Variants in RASGRP1 observed in about 807,000 individuals in gnomAD.
RASGRP1 encodes RAS guanyl releasing protein 1, also known as RAS guanyl-releasing protein 1.
RASGRP1 carries 37 observed loss-of-function variants against 95.1 expected under a neutral mutation model. The ratio of observed to expected loss-of-function variants is 0.39; its 90% CI spans 0.30 to 0.51. The LOEUF (loss-of-function observed/expected upper bound fraction) is 0.51, where lower values mean the gene tolerates loss of function less well. RASGRP1 is among the 20% of genes least tolerant of loss of function. The pLI, the probability that RASGRP1 is intolerant of heterozygous loss-of-function variation, is 0.80. For missense variants in RASGRP1, 711 were observed against 965.4 expected (o/e 0.74, Z 3.49); for synonymous variants, 325 against 353.4 (o/e 0.92, Z 0.90).
chr15:38,501,415 T>C lies in RASGRP1; in HGVS notation c.1539-128A>G, dbSNP rs535666541. ...CAGTGGTAATATGGTATGTGCTACC[T>C]CATGATTACTTCCATGGGCCCTACT... is the stretch of plus-strand genomic sequence containing the variant. On this transcript the variant is annotated intron_variant, in intron 12 of 16. Transcript: ENST00000310803. 4.9e-5 allele frequency: 53 copies of C among 1,073,260 alleles called. 1 individual carries two copies. In the South Asian group the frequency reaches 5.1e-4, roughly 10 times the overall value. The allele number at this position is 1,073,260 out of a possible 1,614,324, so 66.5% of individuals were successfully genotyped here.
At chr15:38,548,743 G>A (rs763950511) in intron 2 of RASGRP1, among the ~76,000 whole-genome samples, 1 of 152,102 alleles carries the variant, frequency 6.6e-6, no homozygotes, top group East Asian at 1.9e-4. Flanking sequence ...TTAGAAAAAA[G>A]GTTCACATAC....
rs769249413 is a variant in RASGRP1 at position 38,559,952 on chromosome 15, G to C, written c.89C>G (p.Pro30Arg). 6.2e-7 allele frequency: 1 copy of C among 1,613,652 alleles called. No homozygotes were observed. Among genetic ancestry groups the C allele is most frequent in the Non-Finnish European group, 8.5e-7 (1 of 1,179,716 alleles). ...ATGGGAGGGGAAGGGGCTGTTGGCT[G>C]GCTTTGCCTCTAGTCTTGCTTTAGA... ...AASKARLEAK[P>R]ANSPFPSHPS... Residue 30 changes from proline (P) to arginine (R), a missense_variant, in exon 2 of 17, where the codon CCA (proline) becomes CGA (arginine). Physicochemically the swap from Pro to Arg is moderately radical, Grantham distance 103. Transcript: ENST00000310803.
chr15:38,503,734 C>A, intron 10 of RASGRP1: 1 of 223,548 alleles, frequency 4.5e-6, no homozygotes, highest in Non-Finnish European at 8.7e-6. Flanking sequence ...TCACATTTTG[C>A]AGTAGAAATG....
intron 8 of RASGRP1, among the ~76,000 whole-genome samples, chr15:38,510,806 T>TA (rs1891480020): frequency 6.6e-6 from 1 of 152,074 alleles, no homozygotes; most frequent in African/African-American, 2.4e-5. Flanking sequence ...ACAAAAATTT[T>TA]AAAAAATAGC....
chr15:38,502,206 C>T, intron 12 of RASGRP1, 106 bp downstream of exon 12: 2 of 773,914 alleles, frequency 2.6e-6, no homozygotes, highest in Non-Finnish European at 4.2e-6. Context: ...TTTAAGTGAT[C>T]ACAGCAGCAA....
intron 1 of RASGRP1, among the ~76,000 whole-genome samples, chr15:38,561,133 AC>A (rs957653794): frequency 6.6e-6 from 1 of 152,222 alleles, no homozygotes; most frequent in African/African-American, 2.4e-5. Context: ...AAGGAAAAAA[AC>A]GTACCTCTGA....
At chr15:38,553,325 G>C (rs533348628) in intron 2 of RASGRP1, among the ~76,000 whole-genome samples, 48 of 152,344 alleles carry the variant, frequency 3.2e-4, no homozygotes, top group African/African-American at 1.1e-3. Flanking sequence ...AGGGGTCTCA[G>C]GGTCCAACAC....
chr15:38,534,908 C>T (rs527816740), intron 2 of RASGRP1, among the ~76,000 whole-genome samples: 1 of 152,306 alleles, frequency 6.6e-6, no homozygotes, highest in South Asian at 2.1e-4. Context: ...TTTCAAGTTG[C>T]ACAGCATCTA....
Position 38,505,894 on chromosome 15 carries a change from C to G in RASGRP1, c.1269G>C (p.Glu423Asp), listed in dbSNP as rs1376605076. 1.9e-6 allele frequency: 3 copies of G among 1,611,714 alleles called. No homozygotes were observed. The highest frequency in any genetic ancestry group is 2.2e-5 in the South Asian group (2 of 90,470). ...LTLSLDLYYTEDEIYELSYAR... is the reference protein window; with the variant it reads ...LTLSLDLYYTDDEIYELSYAR... ...CATAGGAAAGCTCATAGATTTCATC[C>G]TCAGTGTAGTAAAGATCCAGGGATA... is the stretch of plus-strand genomic sequence containing the variant. Residue 423 changes from glutamate (E) to aspartate (D), a missense_variant, in exon 10 of 17, where the codon GAG (glutamate) becomes GAC (aspartate). By Grantham distance (45) the Glu-to-Asp change is conservative. Transcript: ENST00000310803.
At chr15:38,534,676 G>A (rs1448876943) in intron 2 of RASGRP1, 1 of 152,260 alleles carries the variant, frequency 6.6e-6, no homozygotes, top group African/African-American at 2.4e-5. Context: ...ATGACAGCTG[G>A]TGCCACAACC....
chr15:38,533,521 G>A (rs1283963694), intron 2 of RASGRP1, among the ~76,000 whole-genome samples: 1 of 152,080 alleles, frequency 6.6e-6, no homozygotes, highest in Non-Finnish European at 1.5e-5. Flanking sequence ...TTTTCTGGTC[G>A]TTGTTTGTTT....
At chr15:38,541,785 G>A (rs902856006) in intron 2 of RASGRP1, among the ~76,000 whole-genome samples, 1 of 152,076 alleles carries the variant, frequency 6.6e-6, no homozygotes, top group African/African-American at 2.4e-5. Context: ...GATATAATAA[G>A]CACCCTGTCC....
At chr15:38,524,864 C>T (rs184979650) in intron 3 of RASGRP1, among the ~76,000 whole-genome samples, 1,959 of 151,852 alleles carry the variant, frequency 0.013, 27 homozygotes, top group Admixed American at 0.018. Context: ...GAGTAAGATT[C>T]TGTGAGAAGT....
intron 5 of RASGRP1, among the ~76,000 whole-genome samples, chr15:38,517,493 C>A (rs1438543157): frequency 6.6e-6 from 1 of 152,140 alleles, no homozygotes; most frequent in African/African-American, 2.4e-5. Context: ...ATCATTTCTA[C>A]GTGGCTACAG....
chr15:38,543,102 C>G (rs1481499131), intron 2 of RASGRP1, among the ~76,000 whole-genome samples: 1 of 151,728 alleles, frequency 6.6e-6, no homozygotes. Flanking sequence ...AAAAAATACT[C>G]TAAGTTTGCA....
intron 2 of RASGRP1, among the ~76,000 whole-genome samples, chr15:38,540,467 G>C (rs1892820238): frequency 1.3e-5 from 2 of 152,190 alleles, no homozygotes; most frequent in African/African-American, 2.4e-5. Context: ...GAAGAGAAAA[G>C]TGGCTAAGGA....
chr15:38,528,565 C>G (rs556367392), intron 2 of RASGRP1, among the ~76,000 whole-genome samples: 1 of 152,148 alleles, frequency 6.6e-6, no homozygotes, highest in African/African-American at 2.4e-5. Context: ...TAGCATCACA[C>G]TCTCTCAGCC....
Position 38,503,359 on chromosome 15 carries a change from C to G in RASGRP1, c.1341G>C (p.Lys447Asn). Residue 447 changes from lysine to asparagine, a missense_variant, in exon 11 of 17, where the codon AAG (lysine) becomes AAC (asparagine). Around this residue, in one of 3 missense-constraint regions of RASGRP1, gnomAD observed 491 missense variants for 676.6 expected, o/e 0.73. Transcript: ENST00000310803. ...AAGCCCAGTCCACTACTACTGGTGG[C>G]TTTGAAGGTGTTAGTGGCTAAAATG... ...NHRAPPLTPS[K>N]PPVVVDWASG... is the part of the protein sequence containing the mutation. The G allele has an allele frequency of 6.2e-7, 1 of 1,610,372 alleles. No individual in the cohort carries two copies. Among genetic ancestry groups the G allele is most frequent in the Non-Finnish European group, 8.5e-7 (1 of 1,178,058 alleles).
At chr15:38,500,367 A>G (rs1179439104) in intron 13 of RASGRP1, among the ~76,000 whole-genome samples, 1 of 151,222 alleles carries the variant, frequency 6.6e-6, no homozygotes, top group East Asian at 1.9e-4. Context: ...TTTTTGAGAC[A>G]GTCTTGCCCA....
Sources: allele counts gnomAD v4.1 joint callset (sites outside exome capture counted in the v4.1 genomes callset), GRCh38; gene constraint gnomAD v4.1.1; regional missense constraint gnomAD v4.1.1; transcripts MANE v1.5; gene names NCBI Gene and HGNC (gene_info 2026-07-23, HGNC 2026-07-21).